Variants in TMED2 observed in about 807,000 individuals in gnomAD.
TMED2 encodes the protein transmembrane emp24 domain-containing protein 2.
Under a neutral mutation model 17.5 loss-of-function variants are expected in TMED2, and 3 were observed. That is an observed-to-expected ratio of 0.17 (90% CI 0.08 to 0.44). The LOEUF is 0.44. Ranked by LOEUF, TMED2 falls within the 20% of genes least tolerant of loss-of-function variation. The probability of loss-of-function intolerance (pLI) is 0.99; values close to 1 mark genes in which losing one functional copy is unlikely to be tolerated. For synonymous variants in TMED2, 95 were observed against 91.0 expected, an observed-to-expected ratio of 1.04 and a Z score of -0.25; for missense variants, 149 against 254.8, an observed-to-expected ratio of 0.58 and a Z score of 2.83.
At chr12:123,592,273 A>AT (rs1953397893) in intron 3 of TMED2, among the ~76,000 whole-genome samples, 1 of 152,162 alleles carries the variant, frequency 6.6e-6, no homozygotes, top group Non-Finnish European at 1.5e-5. Context: ...GTTGGGACTC[A>AT]TATGTTGTTT....
chr12:123,587,053 C>A (rs1214052339), intron 2 of TMED2, 114 bp downstream of exon 2: 1 of 1,027,040 alleles, frequency 9.7e-7, no homozygotes, highest in African/African-American at 1.7e-5. Flanking sequence ...TAACCAAAAC[C>A]TTTTTGTGAA....
intron 3 of TMED2, among the ~76,000 whole-genome samples, chr12:123,594,012 C>T (rs1953412165): frequency 6.7e-6 from 1 of 149,868 alleles, no homozygotes; most frequent in African/African-American, 2.5e-5. Context: ...CTCCATATTG[C>T]CCAGGGTTGG....
rs746142044 is a variant in TMED2, at chr12:123,584,717, C to T, written c.81C>T (p.Ala27=). The part of the protein sequence containing the change: ...TVSGYFVSID[A]HAEECFFERV... ...CGGGCTATTTCGTTAGCATCGACGCCCATGCTGAAGAGTGCTTCTTTGAGC... is the reference window on the plus strand; with the variant it reads ...CGGGCTATTTCGTTAGCATCGACGCTCATGCTGAAGAGTGCTTCTTTGAGC... The change falls in exon 1 of 4, where the codon GCC becomes GCT. Residue 27 remains alanine (A), a synonymous_variant. Transcript: ENST00000262225. 5.8e-5 allele frequency: 93 copies of T among 1,613,798 alleles called. No individual in the cohort carries two copies. The highest frequency in any genetic ancestry group is 6.7e-5 in the Non-Finnish European group (79 of 1,179,914).
intron 3 of TMED2, 103 bp downstream of exon 3, chr12:123,590,552 G>T (rs578136318): frequency 1.1e-6 from 1 of 882,086 alleles, no homozygotes; most frequent in South Asian, 1.7e-5. Flanking sequence ...CAAATTTTAT[G>T]TGAAAGCATT....
intron 2 of TMED2, among the ~76,000 whole-genome samples, chr12:123,589,914 A>C (rs781380353): frequency 4.6e-5 from 7 of 151,750 alleles, no homozygotes; most frequent in Non-Finnish European, 7.4e-5. Flanking sequence ...GAGCCCAGGA[A>C]TTTTAGGTTA....
Position 123,584,594 on chromosome 12 carries a change from T to G in TMED2, c.-43T>G. On this transcript the variant is annotated 5_prime_UTR_variant, in exon 1 of 4. Coordinates refer to ENST00000262225, the MANE Select transcript of TMED2 (RefSeq NM_006815.4). ...GCGGCGGCGGCGGCGGCGGCGGCTG[T>G]GGAGGCCGCAGTCCGGGTCCTGGCT... 5.7e-6 allele frequency: 9 copies of G among 1,583,970 alleles called. No homozygotes were observed. Among genetic ancestry groups the G allele is most frequent in the Non-Finnish European group, 7.7e-6 (9 of 1,169,450 alleles).
In TMED2 at chr12:123,584,749, C is replaced by T; in HGVS notation, c.113C>T (p.Thr38Ile). ...HAEECFFERV[T>I]SGTKMGLIFE... ...GAAGAGTGCTTCTTTGAGCGGGTCA[C>T]CTCGGGCACCAAGATGGGCCTCATC... The change falls in exon 1 of 4, where the codon ACC becomes ATC. Residue 38 changes from threonine to isoleucine, a missense_variant. Thr to Ile is a moderately conservative substitution (Grantham distance 89). Coordinates refer to ENST00000262225, the MANE Select transcript of TMED2 (RefSeq NM_006815.4). The T allele has an allele frequency of 1.2e-6, 2 of 1,613,716 alleles. No individual in the cohort carries two copies. The highest frequency in any genetic ancestry group is 2.2e-5 in the South Asian group (2 of 91,084).
chr12:123,598,316 G>C lies in TMED2; in HGVS notation c.*1587G>C, dbSNP rs786421. 6.6e-6 allele frequency: 1 copy of C among 152,178 alleles called. No individual in the cohort carries two copies. The highest frequency in any genetic ancestry group is 1.5e-5 in the Non-Finnish European group (1 of 68,054). The allele number at this position is 152,178 out of a possible 1,614,324, so 9.4% of individuals were successfully genotyped here. On this transcript the variant is annotated 3_prime_UTR_variant, in exon 4 of 4. Coordinates refer to ENST00000262225, the MANE Select transcript of TMED2 (RefSeq NM_006815.4). Reference sequence around the variant, plus strand: ...AATGGTACCAAGTTTTAGTTTCTGCGTAGGTTTTCCAGTGTGGCTTCTCTG... The same window carrying C: ...AATGGTACCAAGTTTTAGTTTCTGCCTAGGTTTTCCAGTGTGGCTTCTCTG...
At chr12:123,589,193 T>C (rs1435443231) in intron 2 of TMED2, among the ~76,000 whole-genome samples, 2 of 152,246 alleles carry the variant, frequency 1.3e-5, no homozygotes, top group Non-Finnish European at 2.9e-5. Context: ...CTTGTGCCGC[T>C]AAGGGCTTGT....
At chr12:123,589,823 C>A (rs934854547) in intron 2 of TMED2, among the ~76,000 whole-genome samples, 1 of 151,636 alleles carries the variant, frequency 6.6e-6, no homozygotes, top group African/African-American at 2.4e-5. Flanking sequence ...CATAGCGAGA[C>A]CCCGTCTCTA....
intron 3 of TMED2, among the ~76,000 whole-genome samples, chr12:123,592,343 C>T (rs1953398294): frequency 6.6e-6 from 1 of 152,174 alleles, no homozygotes; most frequent in Non-Finnish European, 1.5e-5. Context: ...TGAACTAACT[C>T]AGAGGGCAAG....
At position 123,594,029 on chromosome 12, in the gene TMED2, A is replaced by T. The variant is rs182793737; in HGVS notation, c.482-2576A>T. 6.4e-3 allele frequency among the ~76,000 whole-genome samples: 926 copies of T among 145,674 alleles called. 5 individuals carry two copies. The highest frequency in any genetic ancestry group is 0.01 in the South Asian group (48 of 4,634). On this transcript the variant is annotated intron_variant, in intron 3 of 3. Transcript: ENST00000262225. ...CCATATTGCCCAGGGTTGGCCTCTGACTCCTGAGCAAAAGCAGTCCTCCTG... is the reference window on the plus strand; with the variant it reads ...CCATATTGCCCAGGGTTGGCCTCTGTCTCCTGAGCAAAAGCAGTCCTCCTG...
chr12:123,586,052 C>G (rs558633042), intron 1 of TMED2: 1 of 152,158 alleles, frequency 6.6e-6, no homozygotes, highest in Admixed American at 6.6e-5. Context: ...AAGATGTCAA[C>G]CAGGGATGCA....
chr12:123,593,211 A>C lies in TMED2; in HGVS notation c.481+2762A>C, dbSNP rs1953405773. ...TCAAAGTGCTGGGATTACAGGCCTG[A>C]GCCACTGTGTCTGGCCTATTTTCTT... is the stretch of plus-strand genomic sequence containing the variant. On this transcript the variant is annotated intron_variant, in intron 3 of 3. Transcript: ENST00000262225. Among the ~76,000 whole-genome samples the C allele has an allele frequency of 3.3e-5, 5 of 151,518 alleles. No individual in the cohort carries two copies. In the South Asian group the frequency reaches 1.0e-3, roughly 32 times the overall value.
intron 2 of TMED2, 87 bp downstream of exon 2, chr12:123,587,026 AT>A: frequency 2.1e-5 from 26 of 1,222,818 alleles, no homozygotes; most frequent in South Asian, 3.0e-5. Flanking sequence ...TGGAGTACTT[AT>A]TTTTTTTAAA....
intron 3 of TMED2, among the ~76,000 whole-genome samples, chr12:123,595,174 A>G (rs1347249489): frequency 6.6e-6 from 1 of 152,202 alleles, no homozygotes. Context: ...GGTTGCAGTG[A>G]GCTGAGATTG....
At chr12:123,590,741 T>C (rs1953386457) in intron 3 of TMED2, among the ~76,000 whole-genome samples, 1 of 152,102 alleles carries the variant, frequency 6.6e-6, no homozygotes, top group African/African-American at 2.4e-5. Flanking sequence ...CCCAGCACTT[T>C]GGGAGGCTGA....
chr12:123,586,855 C>CGGAT lies in TMED2; in HGVS notation c.291_294dup (p.Ser99AspfsTer14). 1 of 1,613,492 alleles carries CGGAT rather than the reference C, an allele frequency of 6.2e-7. No individual in the cohort carries two copies. Among genetic ancestry groups the CGGAT allele is most frequent in the Non-Finnish European group, 8.5e-7 (1 of 1,179,796 alleles). On this transcript the variant is annotated frameshift_variant, in exon 2 of 4. Transcript: ENST00000262225. LOFTEE classifies it high-confidence loss of function. Reference sequence around the variant, plus strand: ...AACATACAAATTTTGTTTTAGTAACCGGATGTCCACCATGACTCCAAAAAT... The same window carrying CGGAT: ...AACATACAAATTTTGTTTTAGTAACCGGATGGATGTCCACCATGACTCCAAAAAT...
intron 1 of TMED2, chr12:123,586,495 C>G: frequency 4.4e-6 from 1 of 229,260 alleles, no homozygotes; most frequent in Non-Finnish European, 8.6e-6. Flanking sequence ...GGAATACAGG[C>G]GTGCGCCACC....
Sources: gnomAD v4.1 joint callset for allele counts (sites outside exome capture counted in the v4.1 genomes callset) on GRCh38, gnomAD v4.1.1 for gene constraint, MANE v1.5 for transcripts, NCBI Gene and HGNC (gene_info 2026-07-23, HGNC 2026-07-21) for gene names.